SMARCA2: variants seen among roughly 807,000 people sequenced by gnomAD.
The protein encoded by SMARCA2 is SWI/SNF-related matrix-associated actin-dependent regulator of chromatin subfamily A member 2.
Under a neutral mutation model 199.8 loss-of-function variants are expected in SMARCA2, and 61 were observed. That is an observed-to-expected ratio of 0.31 (90% CI 0.25 to 0.38). SMARCA2 has a LOEUF of 0.38. Ranked by LOEUF, SMARCA2 falls within the 10% of genes least tolerant of loss-of-function variation. The pLI is 1.00. For missense variants in SMARCA2, 1,344 were observed against 2,012.2 expected (o/e 0.67, Z 6.35); for synonymous variants, 935 against 732.0 (o/e 1.28, Z -4.48).
chr9:2,114,812 T>G (rs1286264974), intron 24 of SMARCA2, among the ~76,000 whole-genome samples: 1 of 152,208 alleles, frequency 6.6e-6, no homozygotes, highest in Non-Finnish European at 1.5e-5. Context: ...ACCTATAATC[T>G]TATCACCTGG....
chr9:2,136,304 C>T (rs527487204), intron 27 of SMARCA2, among the ~76,000 whole-genome samples: 13 of 151,600 alleles, frequency 8.6e-5, no homozygotes, highest in African/African-American at 3.1e-4. Context: ...TCTTGTGCCT[C>T]AGCCTCCCGA....
chr9:2,179,316 T>C (rs1826845546), intron 29 of SMARCA2, among the ~76,000 whole-genome samples: 1 of 152,222 alleles, frequency 6.6e-6, no homozygotes, highest in South Asian at 2.1e-4. Flanking sequence ...GGAAACAACA[T>C]ATCCCAAGAA....
chr9:2,192,379 A>ATT (rs71491993), intron 33 of SMARCA2: 24 of 304,752 alleles, frequency 7.9e-5, no homozygotes, highest in East Asian at 5.4e-4. Context: ...AATGCAGGGT[A>ATT]TTTTTTTTTC....
intron 28 of SMARCA2, among the ~76,000 whole-genome samples, chr9:2,168,040 T>C (rs980366580): frequency 2.0e-5 from 3 of 151,486 alleles, no homozygotes; most frequent in Non-Finnish European, 4.4e-5. Flanking sequence ...TTTCTTTTTT[T>C]TTTTTTTTTG....
Position 2,161,957 on chromosome 9 carries a change from GCTC to G in SMARCA2, c.4199+56_4199+58del. On this transcript the variant is annotated intron_variant, in intron 28 of 33. Coordinates refer to ENST00000349721, the MANE Select transcript of SMARCA2 (RefSeq NM_003070.5). The surrounding 1 kb of genome is among the most constrained non-coding windows in gnomAD (Gnocchi z 4.7). The stretch of plus-strand genomic sequence containing the variant: ...ATCTCTCACCAAGACGCCGAGTGGC[GCTC>G]CCTGAGGAGCAGGAGTTGTTAAGTT... 1 of 1,422,544 alleles carries G rather than the reference GCTC, an allele frequency of 7.0e-7. No individual in the cohort carries two copies. Among genetic ancestry groups the G allele is most frequent in the Non-Finnish European group, 9.8e-7 (1 of 1,019,176 alleles). The allele number at this position is 1,422,544 out of a possible 1,614,324, so 88.1% of individuals were successfully genotyped here.
Position 2,174,104 on chromosome 9 carries a change from C to G in SMARCA2, c.4253+3632C>G, listed in dbSNP as rs141042942. On this transcript the variant is annotated intron_variant, in intron 29 of 33. Transcript: ENST00000349721. ...CAAATAAACTTAGTCCGTCTGTTTC[C>G]CGAGACACAGAATGCTTCCCCTTAT... 7.8e-4 allele frequency among the ~76,000 whole-genome samples: 118 copies of G among 152,242 alleles called. 2 individuals carry two copies. The East Asian group carries it at 0.021, about 27-fold the overall frequency.
intron 31 of SMARCA2, among the ~76,000 whole-genome samples, chr9:2,185,113 G>C (rs1035565172): frequency 1.3e-5 from 2 of 151,738 alleles, no homozygotes; most frequent in Non-Finnish European, 1.5e-5. Flanking sequence ...CACTTTGATG[G>C]GCAACAGATC....
At chr9:2,183,611 G>C (rs1827213014) in intron 31 of SMARCA2, among the ~76,000 whole-genome samples, 1 of 152,160 alleles carries the variant, frequency 6.6e-6, no homozygotes, top group Non-Finnish European at 1.5e-5. Flanking sequence ...CCTTCTGCCT[G>C]CACATCAATT....
intron 27 of SMARCA2, among the ~76,000 whole-genome samples, chr9:2,148,322 C>T (rs1824872021): frequency 6.6e-6 from 1 of 151,566 alleles, no homozygotes; most frequent in Admixed American, 6.6e-5. Flanking sequence ...GCAGAGTGGC[C>T]TAGACAAGGA....
rs281875195 is a variant in SMARCA2 at position 2,110,365 on chromosome 9, T to C, written c.3404T>C (p.Leu1135Pro). ...STRAGGLGLN[L>P]QAADTVVIFD... ...AGAGCTGGTGGCCTGGGCTTAAATC[T>C]TCAGGCAGCTGATACAGTGGTCATC... Residue 1135 changes from leucine to proline, a missense_variant, in exon 24 of 34, where the codon CTT becomes CCT. By Grantham distance (98) the Leu-to-Pro change is moderately conservative (BLOSUM62 -3). Transcript: ENST00000349721. The surrounding 1 kb of genome is among the most constrained non-coding windows in gnomAD (Gnocchi z 4.8). 1 of 1,613,916 alleles carries C rather than the reference T, an allele frequency of 6.2e-7. No individual in the cohort carries two copies.
intron 10 of SMARCA2, among the ~76,000 whole-genome samples, chr9:2,072,626 C>T (rs186661063): frequency 1.3e-5 from 2 of 152,296 alleles, no homozygotes; most frequent in East Asian, 1.9e-4. Context: ...CATGACTTTG[C>T]AATAGTTGTT....
intron 14 of SMARCA2, among the ~76,000 whole-genome samples, chr9:2,081,049 A>G (rs1384966268): frequency 6.6e-6 from 1 of 152,238 alleles, no homozygotes; most frequent in African/African-American, 2.4e-5. Flanking sequence ...CATCATTAGC[A>G]AGCTAAATTG....
At chr9:2,177,562 T>G (rs1826697077) in intron 29 of SMARCA2, among the ~76,000 whole-genome samples, 1 of 152,186 alleles carries the variant, frequency 6.6e-6, no homozygotes, top group Non-Finnish European at 1.5e-5. Context: ...AGATTTCTTT[T>G]TTTTTTTGAA....
chr9:2,162,660 C>G (rs984041128), intron 28 of SMARCA2: 21 of 152,140 alleles, frequency 1.4e-4, no homozygotes, highest in African/African-American at 5.1e-4. Context: ...GATGGCTTCT[C>G]GTTTCAGTTG....
intron 33 of SMARCA2, chr9:2,191,630 A>G: frequency 2.5e-6 from 1 of 407,190 alleles, no homozygotes; most frequent in South Asian, 5.0e-5. Flanking sequence ...TTCAAAAATG[A>G]AAAACTACCA....
chr9:2,158,799 T>C, intron 27 of SMARCA2: 1 of 624,744 alleles, frequency 1.6e-6, no homozygotes, highest in Non-Finnish European at 2.6e-6. Context: ...TACTCTACTC[T>C]TTATGTGCGA....
At chr9:2,058,926 G>C (rs1380553845) in intron 8 of SMARCA2, among the ~76,000 whole-genome samples, 1 of 152,042 alleles carries the variant, frequency 6.6e-6, no homozygotes, top group Non-Finnish European at 1.5e-5. Context: ...TTTTTTAATG[G>C]CAGAAATTAT....
chr9:2,082,029 C>T (rs756560523), intron 15 of SMARCA2, 34 bp downstream of exon 15: 10 of 1,592,164 alleles, frequency 6.3e-6, no homozygotes, highest in African/African-American at 1.3e-5. Context: ...AGTCATCGTT[C>T]TGTATGTTGT....
chr9:2,188,904 A>G (rs10811620), intron 32 of SMARCA2, among the ~76,000 whole-genome samples: 15,830 of 152,208 alleles, frequency 0.1, 852 homozygotes, highest in East Asian at 0.17. Context: ...GCTGTTCCCA[A>G]CAGTGTTCTT....
Sources: gnomAD v4.1 joint callset for allele counts (sites outside exome capture counted in the v4.1 genomes callset) on GRCh38, gnomAD v4.1.1 for gene constraint, Gnocchi (gnomAD v3.1) non-coding constraint, MANE v1.5 for transcripts, NCBI Gene and HGNC (gene_info 2026-07-23, HGNC 2026-07-21) for gene names.